Variants in LGSN observed in about 807,000 individuals in gnomAD.
The protein encoded by LGSN is lengsin, lens protein with glutamine synthetase domain.
Under a neutral mutation model 19.5 loss-of-function variants are expected in LGSN, and 21 were observed. The observed-to-expected ratio is 1.07, with a 90% CI of 0.76 to 1.55. The LOEUF is 1.55. Among genes scored for constraint, LGSN ranks in the 40% most tolerant of loss-of-function variants. The pLI, the probability that LGSN is intolerant of heterozygous loss-of-function variation, is 0.00. For missense variants in LGSN, 673 were observed against 608.5 expected (o/e 1.11, Z -1.12); for synonymous variants, 257 against 215.6 (o/e 1.19, Z -1.68).
chr6:63,559,988 G>A, the LGSN span, among the ~76,000 whole-genome samples: 130 of 152,268 alleles, frequency 8.5e-4, no homozygotes, highest in Non-Finnish European at 1.6e-3. Flanking sequence ...ATATAATATT[G>A]TGGAAGATCA....
chr6:63,517,745 A>G, the LGSN span, among the ~76,000 whole-genome samples: 29 of 152,224 alleles, frequency 1.9e-4, no homozygotes, highest in Non-Finnish European at 4.1e-4. Flanking sequence ...ATGGAGAATT[A>G]AAAATTAAGG....
Position 63,285,823 on chromosome 6 carries a change from A to G in LGSN, c.164-70T>C, listed in dbSNP as rs573776596. The G allele has an allele frequency of 1.8e-5, 21 of 1,186,650 alleles. No individual in the cohort carries two copies. The African/African-American group carries it at 2.3e-4, about 13-fold the overall frequency. The allele number at this position is 1,186,650 out of a possible 1,614,324, so 73.5% of individuals were successfully genotyped here. A position where few individuals can be genotyped will look rare whatever the true frequency, so the allele number is the denominator to read the frequency against. ...ACTGAGAAGCAAAAGGAGACTGGAG[A>G]CTAGTGAATTAGTCAATATTATTAA... On this transcript the variant is annotated intron_variant, in intron 2 of 3. Transcript: ENST00000370657.
chr6:63,439,494 G>A, the LGSN span, among the ~76,000 whole-genome samples: 1 of 151,800 alleles, frequency 6.6e-6, no homozygotes, highest in Non-Finnish European at 1.5e-5. Flanking sequence ...CGGCCTGGGC[G>A]ACAGAGTGTG....
At chr6:63,411,539 A>G in the LGSN span, among the ~76,000 whole-genome samples, 1 of 152,160 alleles carries the variant, frequency 6.6e-6, no homozygotes, top group African/African-American at 2.4e-5. Flanking sequence ...GGCCTTATGA[A>G]GTGCTTAATA....
chr6:63,353,931 C>T, the LGSN span, among the ~76,000 whole-genome samples: 101 of 152,156 alleles, frequency 6.6e-4, 1 homozygote, highest in African/African-American at 2.3e-3. Context: ...GCTAAGAATA[C>T]TGGATATTTA....
At chr6:63,398,474 G>GA in the LGSN span, among the ~76,000 whole-genome samples, 152 of 151,964 alleles carry the variant, frequency 1.0e-3, 2 homozygotes, top group African/African-American at 3.3e-3. Context: ...TGTAAAAATA[G>GA]AAAAAATGCT....
At chr6:63,483,998 T>C in the LGSN span, among the ~76,000 whole-genome samples, 1 of 151,736 alleles carries the variant, frequency 6.6e-6, no homozygotes, top group Non-Finnish European at 1.5e-5. Context: ...AAATGAAACA[T>C]AAAAAATTAC....
chr6:63,393,973 T>TA, the LGSN span, among the ~76,000 whole-genome samples: 1 of 152,148 alleles, frequency 6.6e-6, no homozygotes, highest in African/African-American at 2.4e-5. Context: ...GCTTTGCTAA[T>TA]AAAACAGGTT....
At chr6:63,563,916 T>C in the LGSN span, among the ~76,000 whole-genome samples, 1 of 152,228 alleles carries the variant, frequency 6.6e-6, no homozygotes, top group African/African-American at 2.4e-5. Context: ...TATGATAGTA[T>C]GCAAATAAAT....
chr6:63,343,264 A>G, the LGSN span, among the ~76,000 whole-genome samples: 11 of 152,306 alleles, frequency 7.2e-5, no homozygotes, highest in African/African-American at 2.6e-4. Flanking sequence ...AATCTCCATA[A>G]AAGATTAGGC....
chr6:63,519,465 C>CG, the LGSN span, among the ~76,000 whole-genome samples: 2 of 152,142 alleles, frequency 1.3e-5, no homozygotes, highest in Non-Finnish European at 2.9e-5. Context: ...TGAAACTGTA[C>CG]TATGTCCTGT....
chr6:63,423,669 G>C, the LGSN span, among the ~76,000 whole-genome samples: 1 of 151,264 alleles, frequency 6.6e-6, no homozygotes, highest in Non-Finnish European at 1.5e-5. Context: ...TAATAAAAAA[G>C]TAATCCACCA....
chr6:63,368,057 T>C, the LGSN span, among the ~76,000 whole-genome samples: 19,322 of 150,838 alleles, frequency 0.13, 2,748 homozygotes, highest in African/African-American at 0.35. Flanking sequence ...AACCTGCACA[T>C]TGTGCACATG....
chr6:63,284,910 G>A (rs1767465585), intron 3 of LGSN, among the ~76,000 whole-genome samples: 2 of 152,126 alleles, frequency 1.3e-5, no homozygotes, highest in African/African-American at 4.8e-5. Flanking sequence ...TAAACCTAGA[G>A]GATGCTTAAC....
the LGSN span, among the ~76,000 whole-genome samples, chr6:63,525,054 A>G: frequency 1.3e-5 from 2 of 152,254 alleles, no homozygotes; most frequent in Admixed American, 6.5e-5. Context: ...TAGACAGACT[A>G]GAGCAGCATT....
chr6:63,526,481 G>A, the LGSN span, among the ~76,000 whole-genome samples: 1 of 151,310 alleles, frequency 6.6e-6, no homozygotes, highest in African/African-American at 2.4e-5. Context: ...GACCACGTAT[G>A]ATAAATCCGC....
At chr6:63,398,207 TA>T in the LGSN span, among the ~76,000 whole-genome samples, 8,739 of 109,684 alleles carry the variant, frequency 0.08, 456 homozygotes, top group African/African-American at 0.17. Flanking sequence ...TCCTATTTAC[TA>T]AAAAAAAAAA....
At chr6:63,491,837 C>T in the LGSN span, among the ~76,000 whole-genome samples, 4 of 152,224 alleles carry the variant, frequency 2.6e-5, no homozygotes, top group South Asian at 6.2e-4. Context: ...TCAAGACCAG[C>T]CTGGCCATGG....
chr6:63,466,703 G>T, the LGSN span, among the ~76,000 whole-genome samples: 1 of 152,106 alleles, frequency 6.6e-6, no homozygotes, highest in Admixed American at 6.6e-5. Flanking sequence ...CCAAAGTTTT[G>T]GACCCAAGCA....
Sources: allele counts gnomAD v4.1 joint callset (sites outside exome capture counted in the v4.1 genomes callset), GRCh38; gene constraint gnomAD v4.1.1; transcripts MANE v1.5; gene names NCBI Gene and HGNC (gene_info 2026-07-23, HGNC 2026-07-21).